DLGAP4: variants seen among roughly 807,000 people sequenced by gnomAD.
The protein encoded by DLGAP4 is disks large-associated protein 4.
A neutral mutation model predicts 86.9 loss-of-function variants in DLGAP4; 18 were observed. The ratio of observed to expected loss-of-function variants is 0.21; its 90% CI spans 0.14 to 0.31. DLGAP4 has a LOEUF of 0.31. Among genes scored for constraint, DLGAP4 ranks in the 10% least tolerant of loss-of-function variants. The pLI is 1.00. For synonymous variants in DLGAP4, 548 were observed against 574.3 expected (o/e 0.95, Z 0.65); for missense variants, 1,085 against 1,362.6 (o/e 0.80, Z 3.21).
At chr20:36,407,221 A>G (rs1034895255) in intron 2 of DLGAP4, among the ~76,000 whole-genome samples, 1 of 152,148 alleles carries the variant, frequency 6.6e-6, no homozygotes, top group Non-Finnish European at 1.5e-5. Flanking sequence ...CATGCCTGTA[A>G]TCTCAGTTCC....
intron 7 of DLGAP4, among the ~76,000 whole-genome samples, chr20:36,482,570 G>T (rs2035234564): frequency 6.6e-6 from 1 of 152,196 alleles, no homozygotes. Context: ...CAAGCGGGCT[G>T]CACATGTCAA....
chr20:36,383,697 C>T (rs2031484983), intron 2 of DLGAP4, among the ~76,000 whole-genome samples: 2 of 151,986 alleles, frequency 1.3e-5, no homozygotes, highest in African/African-American at 2.4e-5. Context: ...CCTGGAAGGC[C>T]GGGCGCAGTG....
At chr20:36,401,628 G>A (rs1375566834) in intron 2 of DLGAP4, among the ~76,000 whole-genome samples, 1 of 152,264 alleles carries the variant, frequency 6.6e-6, no homozygotes. Flanking sequence ...ATCGTGGTTA[G>A]CGTTGGGGAC....
chr20:36,334,678 G>C (rs2065303778), intron 1 of DLGAP4, among the ~76,000 whole-genome samples: 1 of 152,188 alleles, frequency 6.6e-6, no homozygotes. Flanking sequence ...TACTGGGCTA[G>C]GTGAAGGGCA....
At chr20:36,488,500 A>G (rs1433094990) in intron 7 of DLGAP4, among the ~76,000 whole-genome samples, 1 of 152,150 alleles carries the variant, frequency 6.6e-6, no homozygotes, top group African/African-American at 2.4e-5. Flanking sequence ...GTATAGGGTC[A>G]CTGCAAGCCT....
At chr20:36,504,420 C>G (rs2036274804) in intron 10 of DLGAP4, among the ~76,000 whole-genome samples, 1 of 152,150 alleles carries the variant, frequency 6.6e-6, no homozygotes, top group South Asian at 2.1e-4. Context: ...TCATCTGTTG[C>G]TGGGCACTTG....
intron 2 of DLGAP4, among the ~76,000 whole-genome samples, chr20:36,372,982 G>C (rs1320883297): frequency 6.6e-6 from 1 of 152,014 alleles, no homozygotes; most frequent in Non-Finnish European, 1.5e-5. Context: ...ATCTACTTAG[G>C]TATCTACTGA....
At position 36,393,305 on chromosome 20, in the gene DLGAP4, A is replaced by G. The variant is rs1432255824; in HGVS notation, c.-73+26030A>G. Among the ~76,000 whole-genome samples the G allele has an allele frequency of 2.1e-5, 3 of 145,130 alleles. No homozygotes were observed. The highest frequency in any genetic ancestry group is 4.6e-5 in the Non-Finnish European group (3 of 65,156). On this transcript the variant is annotated intron_variant, in intron 2 of 12. Coordinates refer to ENST00000339266, the MANE Select transcript of DLGAP4 (RefSeq NM_001365621.2). This position sits in a 1 kb window ranked among gnomAD's most constrained non-coding sequence, Gnocchi z 4.4. Reference sequence around the variant, plus strand: ...GGAAGTGCCTCCTTAGCCTGGGGTCAGAGAGGCCTGGGTGAGAACCCCAAG... The same window carrying G: ...GGAAGTGCCTCCTTAGCCTGGGGTCGGAGAGGCCTGGGTGAGAACCCCAAG...
chr20:36,332,819 C>A (rs2065283504), intron 1 of DLGAP4, among the ~76,000 whole-genome samples: 1 of 152,028 alleles, frequency 6.6e-6, no homozygotes, highest in East Asian at 1.9e-4. Flanking sequence ...CAGCCCCCCA[C>A]CAGTCAAGGC....
intron 1 of DLGAP4, among the ~76,000 whole-genome samples, chr20:36,341,873 T>C (rs2065386304): frequency 6.6e-6 from 1 of 152,210 alleles, no homozygotes; most frequent in Non-Finnish European, 1.5e-5. Context: ...CAGCACTCAG[T>C]GGGCACCACC....
chr20:36,400,422 AAT>A (rs1204852940), intron 2 of DLGAP4, among the ~76,000 whole-genome samples: 3 of 152,214 alleles, frequency 2.0e-5, no homozygotes, highest in Non-Finnish European at 4.4e-5. Context: ...TGTGCTTTAC[AAT>A]ATGAGTCGTA....
intron 7 of DLGAP4, among the ~76,000 whole-genome samples, chr20:36,485,335 G>GA (rs980176722): frequency 9.5e-5 from 14 of 147,152 alleles, no homozygotes; most frequent in Non-Finnish European, 2.1e-4. Flanking sequence ...AGCCATGACA[G>GA]AGTGAGACCC....
At chr20:36,403,511 C>G (rs1485548355) in intron 2 of DLGAP4, among the ~76,000 whole-genome samples, 2 of 152,224 alleles carry the variant, frequency 1.3e-5, no homozygotes, top group Non-Finnish European at 2.9e-5. Context: ...GAGGGCAAAG[C>G]TGGGGCCAAA....
Position 36,431,927 on chromosome 20 carries a change from C to G in DLGAP4, c.210C>G (p.Thr70=). 1 of 1,614,258 alleles carries G rather than the reference C, an allele frequency of 6.2e-7. No individual in the cohort carries two copies. The highest frequency in any genetic ancestry group is 8.5e-7 in the Non-Finnish European group (1 of 1,180,042). The change falls in exon 3 of 13, where the codon ACC becomes ACG. Residue 70 remains threonine, a synonymous_variant. Transcript: ENST00000339266. This position sits in a 1 kb window ranked among gnomAD's most constrained non-coding sequence, Gnocchi z 5.1. The part of the protein sequence containing the change: ...LNNQLPPPSS[T]FPRIHYNSHF... ...ACCAGCTGCCCCCGCCCAGCAGCAC[C>G]TTTCCCCGCATCCACTACAACTCCC...
chr20:36,386,159 C>A (rs1025690453), intron 2 of DLGAP4, among the ~76,000 whole-genome samples: 19 of 152,188 alleles, frequency 1.2e-4, no homozygotes, highest in Admixed American at 7.2e-4. Flanking sequence ...TTCAGCAGCC[C>A]ATGCAGCCAG....
At chr20:36,369,500 G>C (rs1316230418) in intron 2 of DLGAP4, among the ~76,000 whole-genome samples, 1 of 152,136 alleles carries the variant, frequency 6.6e-6, no homozygotes, top group Non-Finnish European at 1.5e-5. Flanking sequence ...GGCTGAGACA[G>C]GGGAATTGCT....
intron 7 of DLGAP4, among the ~76,000 whole-genome samples, chr20:36,486,784 G>T (rs2035435895): frequency 6.6e-6 from 1 of 152,108 alleles, no homozygotes. Context: ...CCAATTTTTT[G>T]TATTTTTAGT....
intron 2 of DLGAP4, among the ~76,000 whole-genome samples, chr20:36,408,032 C>T (rs1018509674): frequency 1.3e-5 from 2 of 151,930 alleles, no homozygotes; most frequent in East Asian, 1.9e-4. Context: ...AATGTGTTCT[C>T]GGAGCTCCAA....
chr20:36,408,231 G>A (rs1185479956), intron 2 of DLGAP4, among the ~76,000 whole-genome samples: 1 of 151,908 alleles, frequency 6.6e-6, no homozygotes, highest in African/African-American at 2.4e-5. Flanking sequence ...CTATGGTAGG[G>A]GAGTGAGAAA....
Sources: allele counts gnomAD v4.1 joint callset (sites outside exome capture counted in the v4.1 genomes callset), GRCh38; gene constraint gnomAD v4.1.1; non-coding constraint Gnocchi (gnomAD v3.1); transcripts MANE v1.5; gene names NCBI Gene and HGNC (gene_info 2026-07-23, HGNC 2026-07-21).